The following CNTNAP5 variants were observed in gnomAD, a reference collection of about 807,000 sequenced individuals.
The protein encoded by CNTNAP5 is contactin associated protein family member 5, also known as contactin-associated protein-like 5.
In CNTNAP5, 72 loss-of-function variants were observed where a neutral mutation model predicts 150.2. The ratio of observed to expected loss-of-function variants is 0.48; its 90% CI spans 0.40 to 0.58. CNTNAP5 has a LOEUF of 0.58. CNTNAP5 is among the 20% of genes least tolerant of loss of function. The pLI is 0.00. For missense variants in CNTNAP5, 1,636 were observed against 1,626.2 expected, an observed-to-expected ratio of 1.01 and a Z score of -0.10; for synonymous variants, 672 against 619.8, an observed-to-expected ratio of 1.08 and a Z score of -1.25.
At chr2:124,282,040 T>C (rs1239470284) in intron 3 of CNTNAP5, among the ~76,000 whole-genome samples, 2 of 152,078 alleles carry the variant, frequency 1.3e-5, no homozygotes, top group African/African-American at 4.8e-5. Flanking sequence ...ATATGTTAGA[T>C]GCAAAGATCC....
At chr2:124,127,679 C>A (rs986049319) in intron 1 of CNTNAP5, among the ~76,000 whole-genome samples, 23 of 152,132 alleles carry the variant, frequency 1.5e-4, no homozygotes, top group African/African-American at 5.3e-4. Context: ...GCTACAGTAA[C>A]CAAAACAGCA....
intron 10 of CNTNAP5, among the ~76,000 whole-genome samples, chr2:124,554,079 G>C (rs1239786385): frequency 1.3e-5 from 2 of 151,972 alleles, no homozygotes; most frequent in African/African-American, 4.8e-5. Flanking sequence ...TAAAATCCTT[G>C]TTCTTTAAGT....
chr2:124,205,510 C>T (rs1339620148), intron 1 of CNTNAP5, among the ~76,000 whole-genome samples: 1 of 151,870 alleles, frequency 6.6e-6, no homozygotes, highest in African/African-American at 2.4e-5. Flanking sequence ...CCTCCGCCTC[C>T]TGGGTTCAAG....
At chr2:124,425,460 C>T (rs1348517878) in intron 4 of CNTNAP5, among the ~76,000 whole-genome samples, 6 of 152,170 alleles carry the variant, frequency 3.9e-5, no homozygotes, top group Non-Finnish European at 5.9e-5. Flanking sequence ...TGCCACAACA[C>T]GGGTTGATCA....
At chr2:124,058,461 C>T (rs4848911) in intron 1 of CNTNAP5, among the ~76,000 whole-genome samples, 15,541 of 152,012 alleles carry the variant, frequency 0.1, 912 homozygotes, top group East Asian at 0.3. Context: ...ATCATCTCTC[C>T]CTTAGTAAGA....
At chr2:124,241,374 A>AT (rs1334089109) in intron 2 of CNTNAP5, among the ~76,000 whole-genome samples, 2 of 151,016 alleles carry the variant, frequency 1.3e-5, no homozygotes, top group South Asian at 2.1e-4. Context: ...TGCCTCTGAG[A>AT]TTTTGTGTAT....
chr2:124,534,727 A>C (rs112586075), intron 10 of CNTNAP5, among the ~76,000 whole-genome samples: 367 of 152,236 alleles, frequency 2.4e-3, no homozygotes, highest in African/African-American at 8.4e-3. Context: ...CAAAAAAAAC[A>C]AAAAATGTAA....
chr2:124,806,316 T>C (rs1302670585), intron 19 of CNTNAP5, among the ~76,000 whole-genome samples: 2 of 152,098 alleles, frequency 1.3e-5, no homozygotes, highest in East Asian at 3.9e-4. Context: ...AGGATGACAG[T>C]GGGGCCATAT....
chr2:124,712,514 G>A (rs1036230757), intron 13 of CNTNAP5, among the ~76,000 whole-genome samples: 3 of 152,186 alleles, frequency 2.0e-5, no homozygotes, highest in African/African-American at 7.2e-5. Flanking sequence ...GAAGTATGTG[G>A]AGAAGGAGCT....
chr2:124,392,507 T>C (rs1479788249), intron 3 of CNTNAP5, among the ~76,000 whole-genome samples: 1 of 151,918 alleles, frequency 6.6e-6, no homozygotes, highest in Admixed American at 6.6e-5. Flanking sequence ...GGCAGCTTCA[T>C]TGGGAATTAA....
intron 10 of CNTNAP5, among the ~76,000 whole-genome samples, chr2:124,559,477 A>C (rs13389194): frequency 0.016 from 2,488 of 152,334 alleles, 66 homozygotes; most frequent in African/African-American, 0.056. Context: ...TTTGTTAAAC[A>C]TTGTGCACCA....
chr2:124,250,583 T>A (rs879627723), intron 3 of CNTNAP5, among the ~76,000 whole-genome samples: 1 of 152,048 alleles, frequency 6.6e-6, no homozygotes, highest in Admixed American at 6.6e-5. Context: ...TGGTTGCAGA[T>A]GAAGACAGTT....
chr2:124,379,675 TTTA>T (rs1403598275), intron 3 of CNTNAP5, among the ~76,000 whole-genome samples: 10 of 152,090 alleles, frequency 6.6e-5, no homozygotes, highest in African/African-American at 2.4e-4. Context: ...CTGCTAACAT[TTTA>T]TTAACTTGGG....
intron 8 of CNTNAP5, among the ~76,000 whole-genome samples, chr2:124,504,927 G>C (rs1296393514): frequency 6.6e-6 from 1 of 151,876 alleles, no homozygotes; most frequent in East Asian, 1.9e-4. Flanking sequence ...AGGATGGTCT[G>C]CATCTCTTGA....
intron 10 of CNTNAP5, among the ~76,000 whole-genome samples, chr2:124,538,626 A>G (rs1236072912): frequency 6.6e-6 from 1 of 151,850 alleles, no homozygotes; most frequent in African/African-American, 2.4e-5. Flanking sequence ...AGAAAGGAAA[A>G]ATGAAAGAAT....
intron 14 of CNTNAP5, among the ~76,000 whole-genome samples, chr2:124,762,624 A>G (rs1252458971): frequency 6.6e-6 from 1 of 152,160 alleles, no homozygotes; most frequent in Non-Finnish European, 1.5e-5. Flanking sequence ...AATTGAGCAC[A>G]CTGAAGATCT....
chr2:124,858,410 AACAG>A (rs1426544912), intron 19 of CNTNAP5, among the ~76,000 whole-genome samples: 3 of 152,302 alleles, frequency 2.0e-5, no homozygotes, highest in Non-Finnish European at 4.4e-5. Flanking sequence ...ATACACCAAT[AACAG>A]ACAGACAGAA....
intron 1 of CNTNAP5, among the ~76,000 whole-genome samples, chr2:124,081,718 A>T (rs1325744182): frequency 6.6e-6 from 1 of 152,206 alleles, no homozygotes; most frequent in Non-Finnish European, 1.5e-5. Flanking sequence ...TTTTACAAGG[A>T]GGACTAGCAT....
intron 13 of CNTNAP5, among the ~76,000 whole-genome samples, chr2:124,736,186 C>T (rs1012567547): frequency 1.3e-5 from 2 of 152,068 alleles, no homozygotes; most frequent in African/African-American, 4.8e-5. Flanking sequence ...GCAGAGATCA[C>T]GCCATTGCAC....
Sources: gnomAD v4.1 joint callset for allele counts (sites outside exome capture counted in the v4.1 genomes callset) on GRCh38, gnomAD v4.1.1 for gene constraint, MANE v1.5 for transcripts, NCBI Gene and HGNC (gene_info 2026-07-23, HGNC 2026-07-21) for gene names.